Variants in C2orf80 observed in about 807,000 individuals in gnomAD.
C2orf80 encodes the protein chromosome 2 open reading frame 80, also known as uncharacterized protein C2orf80.
C2orf80 carries 28 observed loss-of-function variants against 30.2 expected under a neutral mutation model. The ratio of observed to expected loss-of-function variants is 0.93; its 90% confidence interval spans 0.69 to 1.27. The LOEUF (loss-of-function observed/expected upper bound fraction) is 1.27, where lower values mean the gene tolerates loss of function less well. C2orf80 is among the 50% of genes most tolerant of loss of function. The pLI is 0.00. For synonymous variants in C2orf80, 80 were observed against 76.4 expected (o/e 1.05, Z -0.24); for missense variants, 220 against 231.0 (o/e 0.95, Z 0.31).
chr2:208,169,530 T>C (rs1696025514), intron 8 of C2orf80, among the ~76,000 whole-genome samples: 1 of 151,772 alleles, frequency 6.6e-6, no homozygotes, highest in Non-Finnish European at 1.5e-5. Context: ...CTGGACAACA[T>C]GGTGAAACCC....
At chr2:208,172,722 T>C (rs1574359296) in intron 6 of C2orf80, among the ~76,000 whole-genome samples, 1 of 152,202 alleles carries the variant, frequency 6.6e-6, no homozygotes, top group East Asian at 1.9e-4. Flanking sequence ...TTTAGCTTTA[T>C]GTAGAGAGTT....
intron 2 of C2orf80, among the ~76,000 whole-genome samples, chr2:208,186,153 CTA>C (rs891259940): frequency 6.8e-6 from 1 of 147,042 alleles, no homozygotes; most frequent in Non-Finnish European, 1.5e-5. Flanking sequence ...TACACGTGTA[CTA>C]TATATGAATT....
Position 208,187,078 on chromosome 2 carries a change from G to A in C2orf80, c.-75-17C>T. 8.7e-7 allele frequency: 1 copy of A among 1,151,268 alleles called. No individual in the cohort carries two copies. Among genetic ancestry groups the A allele is most frequent in the Non-Finnish European group, 1.3e-6 (1 of 766,720 alleles). 71.3% of individuals were successfully genotyped at this position (1,151,268 alleles called of 1,614,324 possible). On this transcript the variant is annotated splice_polypyrimidine_tract_variant and intron_variant, in intron 1 of 8. Transcript: ENST00000341287. Reference sequence around the variant, plus strand: ...GTCTAGAGGCTACAGCAGCAAATCAGAGAGAATATGAGTTAGGGATGCTAT... The same window carrying A: ...GTCTAGAGGCTACAGCAGCAAATCAAAGAGAATATGAGTTAGGGATGCTAT...
intron 6 of C2orf80, among the ~76,000 whole-genome samples, chr2:208,173,395 C>T (rs1270046138): frequency 1.3e-5 from 2 of 152,020 alleles, no homozygotes; most frequent in Admixed American, 6.6e-5. Flanking sequence ...GAGGCCAAGG[C>T]GGGCAGATCA....
chr2:208,167,118 T>C (rs1695920775), intron 8 of C2orf80, among the ~76,000 whole-genome samples: 1 of 152,228 alleles, frequency 6.6e-6, no homozygotes, highest in Non-Finnish European at 1.5e-5. Flanking sequence ...TCAAGAAGTA[T>C]GCTGTATTCT....
At position 208,165,662 on chromosome 2, in the gene C2orf80, A is replaced by AACATCAAAAATAACACTTCAGTGCAGTT; in HGVS notation, c.*117_*144dup. The AACATCAAAAATAACACTTCAGTGCAGTT allele has an allele frequency of 9.4e-7, 1 of 1,059,774 alleles. No individual in the cohort carries two copies. Among genetic ancestry groups the AACATCAAAAATAACACTTCAGTGCAGTT allele is most frequent in the Non-Finnish European group, 1.4e-6 (1 of 740,566 alleles). 65.6% of individuals were successfully genotyped at this position (1,059,774 alleles called of 1,614,324 possible). A position where few individuals can be genotyped will look rare whatever the true frequency, so the allele number is the denominator to read the frequency against. On this transcript the variant is annotated 3_prime_UTR_variant, in exon 9 of 9. Transcript: ENST00000341287. Reference sequence around the variant, plus strand: ...ATATGCTTCTAAAAGAAGAAAGCTCAACATCAAAAATAACACTTCAGTGCA... The same window carrying AACATCAAAAATAACACTTCAGTGCAGTT: ...ATATGCTTCTAAAAGAAGAAAGCTCAACATCAAAAATAACACTTCAGTGCAGTTACATCAAAAATAACACTTCAGTGCA...
Position 208,168,517 on chromosome 2 carries a change from C to T in C2orf80, c.573+2428G>A, listed in dbSNP as rs371428875. On this transcript the variant is annotated intron_variant, in intron 8 of 8. Transcript: ENST00000341287. Reference sequence around the variant, plus strand: ...TCTACTAAAAATACAAAAAATTAGCCGGGCGTGGTGGCGGGCGCCTGTAGT... The same window carrying T: ...TCTACTAAAAATACAAAAAATTAGCTGGGCGTGGTGGCGGGCGCCTGTAGT... 1.3e-3 allele frequency: 215 copies of T among 171,814 alleles called. 4 individuals are homozygous for T. The South Asian group carries it at 0.018, about 14-fold the overall frequency. The allele number at this position is 171,814 out of a possible 1,614,324, so 10.6% of individuals were successfully genotyped here. A position where few individuals can be genotyped will look rare whatever the true frequency, so the allele number is the denominator to read the frequency against.
chr2:208,175,868 C>T (rs1278989261), intron 6 of C2orf80, among the ~76,000 whole-genome samples: 1 of 151,874 alleles, frequency 6.6e-6, no homozygotes, highest in Non-Finnish European at 1.5e-5. Flanking sequence ...CCTGCTAATG[C>T]CTAATTCAAA....
At chr2:208,166,645 A>G (rs920362744) in intron 8 of C2orf80, among the ~76,000 whole-genome samples, 1 of 151,446 alleles carries the variant, frequency 6.6e-6, no homozygotes, top group South Asian at 2.1e-4. Flanking sequence ...ATTGCTTGCC[A>G]CTGTCCTGAC....
chr2:208,178,395 G>A (rs1196207333), intron 6 of C2orf80, among the ~76,000 whole-genome samples: 2 of 152,076 alleles, frequency 1.3e-5, no homozygotes, highest in Non-Finnish European at 2.9e-5. Flanking sequence ...GTGTATATGT[G>A]CTGAGGGGTA....
In C2orf80 at chr2:208,184,971, G is replaced by T. The variant is rs1351152644; in HGVS notation, c.103C>A (p.Leu35Ile). 1 of 1,613,708 alleles carries T rather than the reference G, an allele frequency of 6.2e-7. No individual in the cohort carries two copies. Among genetic ancestry groups the T allele is most frequent in the Non-Finnish European group, 8.5e-7 (1 of 1,179,828 alleles). The stretch of plus-strand genomic sequence containing the variant: ...TTTACCATATCATCTAGAAAGGTGA[G>T]TTGCCGTCTTCCTTTTGGGTCAAAT... ...NEFDPKGRRQ[L>I]TFLDDMAHYD... The change falls in exon 3 of 9, where the codon CTC (leucine) becomes ATC (isoleucine). Residue 35 changes from leucine (L) to isoleucine (I), a missense_variant. Physicochemically the swap from Leu to Ile is conservative, Grantham distance 5 (BLOSUM62 2). Coordinates refer to ENST00000341287, the MANE Select transcript of C2orf80 (RefSeq NM_001099334.3).
At chr2:208,173,535 G>A (rs1367394299) in intron 6 of C2orf80, among the ~76,000 whole-genome samples, 1 of 152,092 alleles carries the variant, frequency 6.6e-6, no homozygotes, top group Non-Finnish European at 1.5e-5. Flanking sequence ...TGAGGCAGGA[G>A]AATGGTGTGA....
chr2:208,176,975 A>ATACATATGTATACAGATC (rs1696361599), intron 6 of C2orf80, among the ~76,000 whole-genome samples: 1 of 10,672 alleles, frequency 9.4e-5, no homozygotes, highest in Admixed American at 1.5e-3. Context: ...GTATACATAT[A>ATACATATGTATACAGATC]TACAGAAATG....
intron 6 of C2orf80, among the ~76,000 whole-genome samples, chr2:208,175,873 T>C (rs186018617): frequency 8.5e-5 from 13 of 152,280 alleles, no homozygotes; most frequent in African/African-American, 3.1e-4. Flanking sequence ...TAATGCCTAA[T>C]TCAAAATGTG....
rs1696737974 is a variant in C2orf80 at position 208,187,010 on chromosome 2, AG to A, written c.-25del. On this transcript the variant is annotated 5_prime_UTR_variant, in exon 2 of 9. The change creates a premature stop within an existing upstream ORF in the 5' untranslated region. Transcript: ENST00000341287. ...ATGTTAAAGGCTTAGCCAGCTGAGC[AG>A]GTATCTGCAGCTAACACTACACTTA... The A allele has an allele frequency of 6.2e-7, 1 of 1,613,214 alleles. No homozygotes were observed.
Position 208,184,969 on chromosome 2 carries a change from G to C in C2orf80, c.105C>G (p.Leu35=), listed in dbSNP as rs972693297. 1.2e-6 allele frequency: 2 copies of C among 1,613,426 alleles called. No homozygotes were observed. The highest frequency in any genetic ancestry group is 1.7e-6 in the Non-Finnish European group (2 of 1,179,748). ...NEFDPKGRRQ[L]TFLDDMAHYD... ...TCTTTACCATATCATCTAGAAAGGT[G>C]AGTTGCCGTCTTCCTTTTGGGTCAA... Residue 35 remains leucine, a synonymous_variant, in exon 3 of 9, where the codon CTC becomes CTG. Coordinates refer to ENST00000341287, the MANE Select transcript of C2orf80 (RefSeq NM_001099334.3).
At chr2:208,171,794 C>A (rs1156585862) in intron 7 of C2orf80, among the ~76,000 whole-genome samples, 194 bp downstream of exon 7, 1 of 152,166 alleles carries the variant, frequency 6.6e-6, no homozygotes, top group Admixed American at 6.5e-5. Flanking sequence ...ATCACCAAAG[C>A]ATCTGAGAAA....
chr2:208,183,938 C>T (rs1696639051), intron 3 of C2orf80, among the ~76,000 whole-genome samples: 1 of 152,252 alleles, frequency 6.6e-6, no homozygotes, highest in Non-Finnish European at 1.5e-5. Context: ...AGTCCCCACA[C>T]ACAGAAAACG....
At chr2:208,175,464 A>C (rs987895731) in intron 6 of C2orf80, among the ~76,000 whole-genome samples, 1 of 152,190 alleles carries the variant, frequency 6.6e-6, no homozygotes, top group African/African-American at 2.4e-5. Context: ...ACCCGAGGCT[A>C]ACAGAGTAGG....
Sources: gnomAD v4.1 joint callset for allele counts (sites outside exome capture counted in the v4.1 genomes callset) on GRCh38, gnomAD v4.1.1 for gene constraint, MANE v1.5 for transcripts, NCBI Gene and HGNC (gene_info 2026-07-23, HGNC 2026-07-21) for gene names.